The following CUL5 variants were observed in gnomAD, a reference collection of about 807,000 sequenced individuals.
CUL5 encodes cullin 5.
A neutral mutation model predicts 108.8 loss-of-function variants in CUL5; 26 were observed. The ratio of observed to expected loss-of-function variants is 0.24; its 90% CI spans 0.18 to 0.33. The LOEUF (loss-of-function observed/expected upper bound fraction) is 0.33. Among genes scored for constraint, CUL5 ranks in the 10% least tolerant of loss-of-function variants. The pLI is 1.00. For synonymous variants in CUL5, 334 were observed against 298.0 expected, an observed-to-expected ratio of 1.12 and a Z score of -1.25; for missense variants, 524 against 909.2, an observed-to-expected ratio of 0.58 and a Z score of 5.45.
chr11:108,073,131 A>G (rs959608310), intron 9 of CUL5, among the ~76,000 whole-genome samples: 5 of 151,634 alleles, frequency 3.3e-5, no homozygotes, highest in African/African-American at 1.2e-4. Context: ...GAACCCAGGA[A>G]GTGGAGCTTG....
intron 3 of CUL5, among the ~76,000 whole-genome samples, chr11:108,048,270 A>G (rs145312435): frequency 1.8e-4 from 28 of 152,316 alleles, no homozygotes; most frequent in African/African-American, 6.5e-4. Context: ...AAGTAAAAAT[A>G]ATAAACATAG....
chr11:108,082,122 A>C (rs1864101889), intron 11 of CUL5, among the ~76,000 whole-genome samples: 2 of 152,086 alleles, frequency 1.3e-5, no homozygotes, highest in Admixed American at 6.6e-5. Context: ...TACAGCTTTC[A>C]GTGTACAAGT....
At chr11:108,077,776 C>A (rs1863977029) in intron 10 of CUL5, among the ~76,000 whole-genome samples, 2 of 152,084 alleles carry the variant, frequency 1.3e-5, no homozygotes, top group Non-Finnish European at 2.9e-5. Flanking sequence ...GAAACTCCGT[C>A]TCTACTAAAA....
At position 108,104,193 on chromosome 11, in the gene CUL5, G is replaced by A; in HGVS notation, c.2152G>A (p.Ala718Thr). The change falls in exon 19 of 19, where the codon GCT becomes ACT. Residue 718 changes from alanine to threonine, a missense_variant. By Grantham distance (58) the Ala-to-Thr change is moderately conservative. This residue lies in a region of CUL5 where 66 missense variants were observed against 81.4 expected (regional missense o/e 0.81). Coordinates refer to ENST00000393094, the MANE Select transcript of CUL5 (RefSeq NM_003478.6). ...VQLRILRTQE[A>T]IIQIMKMRKK... is the part of the protein sequence containing the mutation. ...TTATTTTTATTTTTTCTTTTAGGAA[G>A]CTATCATACAAATAATGAAAATGAG... The A allele has an allele frequency of 6.5e-7, 1 of 1,541,442 alleles. No individual in the cohort carries two copies. The highest frequency in any genetic ancestry group is 8.8e-7 in the Non-Finnish European group (1 of 1,141,646).
At chr11:108,019,785 G>A (rs1007020918) in intron 1 of CUL5, among the ~76,000 whole-genome samples, 1 of 152,088 alleles carries the variant, frequency 6.6e-6, no homozygotes, top group Admixed American at 6.5e-5. Context: ...TAGTCCATTT[G>A]TGTTGCTATA....
At chr11:108,024,322 G>T (rs183057393) in intron 1 of CUL5, among the ~76,000 whole-genome samples, 7 of 152,296 alleles carry the variant, frequency 4.6e-5, no homozygotes, top group African/African-American at 1.4e-4. Context: ...GGCTGAGGCA[G>T]GAGGGCCACT....
chr11:108,055,054 A>G, intron 7 of CUL5, 99 bp downstream of exon 7: 2 of 886,028 alleles, frequency 2.3e-6, no homozygotes, highest in Non-Finnish European at 3.4e-6. Flanking sequence ...TTAACAACCA[A>G]CATTGTTAAT....
intron 1 of CUL5, among the ~76,000 whole-genome samples, chr11:108,018,263 C>G (rs1489917111): frequency 6.6e-6 from 1 of 152,154 alleles, no homozygotes; most frequent in African/African-American, 2.4e-5. Context: ...GTTGCTGTGG[C>G]TGGAACATAG....
intron 11 of CUL5, among the ~76,000 whole-genome samples, chr11:108,078,725 A>C (rs1277268135): frequency 2.6e-5 from 4 of 152,140 alleles, no homozygotes; most frequent in African/African-American, 4.8e-5. Context: ...ATAGCAATAA[A>C]GGTTAGTTAA....
At chr11:108,067,835 A>G (rs2135173598) in intron 7 of CUL5, among the ~76,000 whole-genome samples, 1 of 152,354 alleles carries the variant, frequency 6.6e-6, no homozygotes, top group Non-Finnish European at 1.5e-5. Context: ...ATGTTATAGA[A>G]TAAGATTACT....
chr11:108,090,553 G>T (rs1285730004), intron 13 of CUL5, among the ~76,000 whole-genome samples: 4 of 152,040 alleles, frequency 2.6e-5, no homozygotes, highest in South Asian at 2.1e-4. Context: ...GGTATTTTCA[G>T]TACTAAATGC....
At chr11:108,067,593 A>G (rs1304343031) in intron 7 of CUL5, among the ~76,000 whole-genome samples, 3 of 152,024 alleles carry the variant, frequency 2.0e-5, no homozygotes, top group East Asian at 3.9e-4. Context: ...TTCACAACAT[A>G]CAGTCTGAAA....
At chr11:108,067,804 T>TTA (rs1266706169) in intron 7 of CUL5, among the ~76,000 whole-genome samples, 1 of 152,212 alleles carries the variant, frequency 6.6e-6, no homozygotes, top group Non-Finnish European at 1.5e-5. Context: ...GTGGAAGTGT[T>TTA]TAGTTGGGCC....
rs532722339 is a variant in CUL5, at chr11:108,066,718, C to T, written c.781-3378C>T. The stretch of plus-strand genomic sequence containing the variant: ...CCTTGTATTTCTTATCAAGCACCAG[C>T]TGTGTGCCAGGACACAGCACAGTCT... On this transcript the variant is annotated intron_variant, in intron 7 of 18. Transcript: ENST00000393094. Among the ~76,000 whole-genome samples, 216 of 152,338 alleles carry T rather than the reference C, an allele frequency of 1.4e-3. 1 individual carries two copies. The highest frequency in any genetic ancestry group is 2.6e-3 in the Non-Finnish European group (180 of 68,032).
rs375547513 is a variant in CUL5 at position 108,074,747 on chromosome 11, G to T, written c.1113+1250G>T. 3.7e-3 allele frequency among the ~76,000 whole-genome samples: 564 copies of T among 152,090 alleles called. 3 individuals are homozygous for T. Among genetic ancestry groups the T allele is most frequent in the African/African-American group, 0.013 (551 of 41,522 alleles). On this transcript the variant is annotated intron_variant, in intron 10 of 18. Coordinates refer to ENST00000393094, the MANE Select transcript of CUL5 (RefSeq NM_003478.6). ...CTTGAACCCAGGAGGTGGAGGTTGT[G>T]GTGAGCTGAGATCGTGCCATTGCAC... is the stretch of plus-strand genomic sequence containing the variant.
chr11:108,070,723 C>G (rs989102850), intron 8 of CUL5, among the ~76,000 whole-genome samples: 1 of 151,990 alleles, frequency 6.6e-6, no homozygotes, highest in African/African-American at 2.4e-5. Context: ...ACCTACTACC[C>G]CAGTAAAACT....
intron 11 of CUL5, among the ~76,000 whole-genome samples, chr11:108,083,814 T>C (rs142772198): frequency 0.014 from 2,073 of 152,262 alleles, 46 homozygotes; most frequent in African/African-American, 0.047. Context: ...GTAAGTATCA[T>C]TAGCTGATCC....
chr11:108,038,029 G>A (rs758843544), intron 2 of CUL5, among the ~76,000 whole-genome samples: 24 of 152,070 alleles, frequency 1.6e-4, no homozygotes, highest in Non-Finnish European at 3.1e-4. Flanking sequence ...TCTAATTTCC[G>A]AAATGATGTA....
At chr11:108,010,033 T>TA (rs1385719512) in intron 1 of CUL5, among the ~76,000 whole-genome samples, 2 of 152,270 alleles carry the variant, frequency 1.3e-5, no homozygotes, top group Non-Finnish European at 2.9e-5. Flanking sequence ...GCAGGAAAGT[T>TA]ACCTTGTCAA....
Sources: allele counts gnomAD v4.1 joint callset (sites outside exome capture counted in the v4.1 genomes callset), GRCh38; gene constraint gnomAD v4.1.1; regional missense constraint gnomAD v4.1.1; transcripts MANE v1.5; gene names NCBI Gene and HGNC (gene_info 2026-07-23, HGNC 2026-07-21).